WWC1: variants seen among roughly 807,000 people sequenced by gnomAD.
The protein encoded by WWC1 is protein KIBRA.
In WWC1, 55 loss-of-function variants were observed where a neutral mutation model predicts 138.4. That is an observed-to-expected ratio of 0.40 (90% confidence interval 0.32 to 0.50). The LOEUF (loss-of-function observed/expected upper bound fraction) is 0.50. Ranked by LOEUF, WWC1 falls within the 20% of genes least tolerant of loss-of-function variation. The pLI is 0.72. For synonymous variants in WWC1, 524 were observed against 564.9 expected (o/e 0.93, Z 1.03); for missense variants, 1,226 against 1,420.4 (o/e 0.86, Z 2.20).
At chr5:168,423,163 A>C (rs1438931782) in intron 10 of WWC1, among the ~76,000 whole-genome samples, 1 of 150,622 alleles carries the variant, frequency 6.6e-6, no homozygotes, top group Non-Finnish European at 1.5e-5. Context: ...AAAAAAAAAA[A>C]AAAAAAAAAC....
intron 4 of WWC1, among the ~76,000 whole-genome samples, chr5:168,398,660 T>G (rs1259427604): frequency 1.3e-5 from 2 of 152,212 alleles, no homozygotes; most frequent in African/African-American, 4.8e-5. Context: ...GTATTTTGAA[T>G]AGTGGTTTAG....
chr5:168,364,319 G>A (rs1776117467), intron 1 of WWC1, among the ~76,000 whole-genome samples: 1 of 151,940 alleles, frequency 6.6e-6, no homozygotes, highest in Admixed American at 6.6e-5. Flanking sequence ...CCCCTCCCCA[G>A]CCCTCCCTGA....
At chr5:168,330,452 A>G (rs1772932793) in intron 1 of WWC1, among the ~76,000 whole-genome samples, 3 of 152,212 alleles carry the variant, frequency 2.0e-5, no homozygotes. Flanking sequence ...AGCTAACAAT[A>G]GGCACCTTCA....
chr5:168,463,438 A>G (rs1454778723), intron 20 of WWC1, among the ~76,000 whole-genome samples: 5 of 152,168 alleles, frequency 3.3e-5, no homozygotes, highest in East Asian at 1.9e-4. Context: ...TCTCTACAAC[A>G]TGCTTTATTT....
intron 2 of WWC1, among the ~76,000 whole-genome samples, chr5:168,373,821 C>T (rs539741665): frequency 2.8e-5 from 4 of 143,376 alleles, no homozygotes; most frequent in Non-Finnish European, 6.0e-5. Flanking sequence ...CCGAGGTGGG[C>T]GGATCACGAG....
intron 3 of WWC1, among the ~76,000 whole-genome samples, chr5:168,389,765 C>T (rs1039941267): frequency 1.3e-5 from 2 of 152,102 alleles, no homozygotes; most frequent in African/African-American, 2.4e-5. Context: ...TTCTTAACCT[C>T]AGCACCATTA....
At chr5:168,372,913 A>G (rs1374213207) in intron 2 of WWC1, among the ~76,000 whole-genome samples, 2 of 152,252 alleles carry the variant, frequency 1.3e-5, no homozygotes, top group African/African-American at 4.8e-5. Flanking sequence ...ACCTGTGCTA[A>G]ATAGAAAAGG....
chr5:168,313,212 G>A (rs1269042029), intron 1 of WWC1, among the ~76,000 whole-genome samples: 1 of 152,162 alleles, frequency 6.6e-6, no homozygotes, highest in African/African-American at 2.4e-5. Flanking sequence ...GCAAACTCCT[G>A]TTTGTCTGTG....
At chr5:168,335,919 C>T (rs1166059425) in intron 1 of WWC1, among the ~76,000 whole-genome samples, 1 of 152,224 alleles carries the variant, frequency 6.6e-6, no homozygotes, top group African/African-American at 2.4e-5. Context: ...TGCTTTCCTC[C>T]CCCTAAGGGG....
At chr5:168,314,274 T>C (rs1771376275) in intron 1 of WWC1, among the ~76,000 whole-genome samples, 1 of 152,078 alleles carries the variant, frequency 6.6e-6, no homozygotes, top group Admixed American at 6.5e-5. Context: ...GGGAGAAGTA[T>C]TGATGTGAGG....
chr5:168,399,227 A>T (rs199538377), intron 4 of WWC1, among the ~76,000 whole-genome samples: 1 of 151,798 alleles, frequency 6.6e-6, no homozygotes, highest in Non-Finnish European at 1.5e-5. Flanking sequence ...GCTCCTGTCC[A>T]CCTGTTTCCC....
At chr5:168,367,938 C>A (rs1327283513) in intron 1 of WWC1, among the ~76,000 whole-genome samples, 1 of 135,004 alleles carries the variant, frequency 7.4e-6, no homozygotes, top group Non-Finnish European at 1.6e-5. Context: ...CTGTGTCTTT[C>A]CAGTTTCTTT....
chr5:168,391,613 C>T (rs1778498087), intron 3 of WWC1, among the ~76,000 whole-genome samples: 1 of 148,140 alleles, frequency 6.8e-6, no homozygotes, highest in South Asian at 2.2e-4. Context: ...GAGCTGAGAT[C>T]CAGCCACTTC....
In WWC1 at chr5:168,470,921, G is replaced by GT. The variant is rs1460689944; in HGVS notation, c.*1908dup. On this transcript the variant is annotated 3_prime_UTR_variant, in exon 23 of 23. Transcript: ENST00000265293. ...CCCTGGGACGGTCCCCAGTGCCAGT[G>GT]TTTTACCCATGTTCCCTCTGTAAGT... 1 of 152,246 alleles carries GT rather than the reference G, an allele frequency of 6.6e-6. No homozygotes were observed. Among genetic ancestry groups the GT allele is most frequent in the Non-Finnish European group, 1.5e-5 (1 of 68,104 alleles). 9.4% of individuals were successfully genotyped at this position (152,246 alleles called of 1,614,324 possible).
chr5:168,399,678 G>T, intron 5 of WWC1, 111 bp downstream of exon 5: 1 of 1,057,068 alleles, frequency 9.5e-7, no homozygotes, highest in Middle Eastern at 2.1e-4. Flanking sequence ...TCAAAATGTG[G>T]CTCTCTCATC....
intron 1 of WWC1, among the ~76,000 whole-genome samples, chr5:168,317,781 T>C (rs1771731069): frequency 6.6e-6 from 1 of 152,186 alleles, no homozygotes; most frequent in South Asian, 2.1e-4. Flanking sequence ...TCTAATTGCC[T>C]AATGACTCCT....
chr5:168,337,265 C>G (rs990010155), intron 1 of WWC1, among the ~76,000 whole-genome samples: 9 of 152,174 alleles, frequency 5.9e-5, no homozygotes, highest in African/African-American at 2.2e-4. Flanking sequence ...ACCCCACTCT[C>G]CAACTGTGTG....
chr5:168,324,809 A>G (rs894713333), intron 1 of WWC1, among the ~76,000 whole-genome samples: 2 of 152,218 alleles, frequency 1.3e-5, no homozygotes, highest in Non-Finnish European at 2.9e-5. Context: ...ATATAAATAC[A>G]TAGGTTACAA....
intron 1 of WWC1, among the ~76,000 whole-genome samples, chr5:168,309,001 C>G (rs1343641381): frequency 6.6e-6 from 1 of 152,142 alleles, no homozygotes; most frequent in Non-Finnish European, 1.5e-5. Context: ...CCACTGCCCC[C>G]ATTCATGCCT....
Sources: allele counts gnomAD v4.1 joint callset (sites outside exome capture counted in the v4.1 genomes callset), GRCh38; gene constraint gnomAD v4.1.1; transcripts MANE v1.5; gene names NCBI Gene and HGNC (gene_info 2026-07-23, HGNC 2026-07-21).